The following SGCZ variants were observed in gnomAD, a reference collection of about 807,000 sequenced individuals.
The protein encoded by SGCZ is zeta-sarcoglycan.
Under a neutral mutation model 41.3 loss-of-function variants are expected in SGCZ, and 40 were observed. The ratio of observed to expected loss-of-function variants is 0.97; its 90% CI spans 0.75 to 1.26. The LOEUF (loss-of-function observed/expected upper bound fraction) is 1.26, where lower values mean the gene tolerates loss of function less well. Among genes scored for constraint, SGCZ ranks in the 50% most tolerant of loss-of-function variants. SGCZ has a pLI of 0.00. For synonymous variants in SGCZ, 206 were observed against 137.5 expected (o/e 1.50, Z -3.49); for missense variants, 552 against 369.8 (o/e 1.49, Z -4.04).
At chr8:14,802,714 T>C (rs1250428070) in intron 1 of SGCZ, among the ~76,000 whole-genome samples, 2 of 152,310 alleles carry the variant, frequency 1.3e-5, no homozygotes, top group South Asian at 2.1e-4. Context: ...CTGGTATATA[T>C]TATGGTGTTT....
At chr8:14,184,126 A>C (rs1185070652) in intron 4 of SGCZ, among the ~76,000 whole-genome samples, 2 of 152,186 alleles carry the variant, frequency 1.3e-5, no homozygotes, top group Non-Finnish European at 2.9e-5. Flanking sequence ...CGAGTAACAA[A>C]GAATCTTAAA....
At chr8:14,598,612 C>T (rs936074432) in intron 1 of SGCZ, among the ~76,000 whole-genome samples, 4 of 151,774 alleles carry the variant, frequency 2.6e-5, no homozygotes, top group African/African-American at 9.7e-5. Context: ...ACTGCAGACT[C>T]GACCCCCCCG....
chr8:14,911,447 A>C (rs866692431), intron 1 of SGCZ, among the ~76,000 whole-genome samples: 1 of 152,216 alleles, frequency 6.6e-6, no homozygotes, highest in Non-Finnish European at 1.5e-5. Context: ...TGAAGAAAGT[A>C]TTTGGTAACT....
At chr8:14,441,065 G>T (rs1290222701) in intron 2 of SGCZ, among the ~76,000 whole-genome samples, 3 of 152,094 alleles carry the variant, frequency 2.0e-5, no homozygotes, top group African/African-American at 7.2e-5. Flanking sequence ...GTCACTTCAG[G>T]GGTGCACTGA....
At chr8:15,120,840 T>C (rs1807452575) in intron 1 of SGCZ, among the ~76,000 whole-genome samples, 1 of 152,212 alleles carries the variant, frequency 6.6e-6, no homozygotes, top group African/African-American at 2.4e-5. Flanking sequence ...TGCATATGAA[T>C]ACCTTGTAAC....
At chr8:14,380,129 T>C (rs1329628302) in intron 2 of SGCZ, among the ~76,000 whole-genome samples, 6 of 152,216 alleles carry the variant, frequency 3.9e-5, no homozygotes, top group Non-Finnish European at 1.5e-5. Flanking sequence ...CATATTATTT[T>C]AGTGGGGCAT....
intron 1 of SGCZ, among the ~76,000 whole-genome samples, chr8:14,895,149 C>A (rs149563132): frequency 6.6e-6 from 1 of 152,030 alleles, no homozygotes; most frequent in Non-Finnish European, 1.5e-5. Context: ...TACAATTAAT[C>A]GTTTAGTAAG....
intron 1 of SGCZ, among the ~76,000 whole-genome samples, chr8:14,852,200 T>C (rs6981834): frequency 0.023 from 3,576 of 152,276 alleles, 137 homozygotes; most frequent in African/African-American, 0.082. Context: ...GCAATATTTT[T>C]TCAGTGATAC....
chr8:14,914,430 T>A (rs1799366219), intron 1 of SGCZ, among the ~76,000 whole-genome samples: 1 of 152,136 alleles, frequency 6.6e-6, no homozygotes, highest in Non-Finnish European at 1.5e-5. Context: ...CTGAAAACTC[T>A]TATGCTCTGT....
At chr8:14,260,560 C>G (rs930197105) in intron 3 of SGCZ, among the ~76,000 whole-genome samples, 2 of 148,238 alleles carry the variant, frequency 1.3e-5, no homozygotes. Flanking sequence ...GGATCTAGAA[C>G]TGGAAATACC....
At chr8:14,909,547 T>C (rs1385948939) in intron 1 of SGCZ, among the ~76,000 whole-genome samples, 1 of 152,184 alleles carries the variant, frequency 6.6e-6, no homozygotes, top group Non-Finnish European at 1.5e-5. Context: ...TATTACGTCA[T>C]ACTATTTTTT....
chr8:14,642,899 C>A (rs1807075263), intron 1 of SGCZ, among the ~76,000 whole-genome samples: 1 of 151,434 alleles, frequency 6.6e-6, no homozygotes, highest in African/African-American at 2.4e-5. Context: ...ATATTTAGTA[C>A]AGACGGAAAT....
chr8:14,487,214 T>C (rs1478776917), intron 2 of SGCZ, among the ~76,000 whole-genome samples: 2 of 152,174 alleles, frequency 1.3e-5, no homozygotes, highest in Non-Finnish European at 2.9e-5. Flanking sequence ...TCAGTTATAT[T>C]CCACCTCATC....
chr8:14,795,024 T>C (rs1490398171), intron 1 of SGCZ, among the ~76,000 whole-genome samples: 1 of 152,082 alleles, frequency 6.6e-6, no homozygotes, highest in Non-Finnish European at 1.5e-5. Context: ...TTGATTCAGA[T>C]CAAATGGAGG....
chr8:15,056,342 T>C (rs933588423), intron 1 of SGCZ, among the ~76,000 whole-genome samples: 6 of 152,192 alleles, frequency 3.9e-5, no homozygotes, highest in African/African-American at 1.4e-4. Flanking sequence ...ATTGTGAATG[T>C]TAATTAGAAA....
At chr8:15,180,309 G>T (rs1476370412) in intron 1 of SGCZ, among the ~76,000 whole-genome samples, 1 of 152,062 alleles carries the variant, frequency 6.6e-6, no homozygotes, top group African/African-American at 2.4e-5. Context: ...CTTTTCCACT[G>T]GCTATATAAA....
intron 1 of SGCZ, among the ~76,000 whole-genome samples, chr8:14,973,289 T>A (rs1801358744): frequency 6.6e-6 from 1 of 152,144 alleles, no homozygotes; most frequent in Non-Finnish European, 1.5e-5. Flanking sequence ...AGTCTTTGGC[T>A]GGGTGGGAGC....
intron 2 of SGCZ, among the ~76,000 whole-genome samples, chr8:14,326,350 A>G (rs1802115294): frequency 6.6e-6 from 1 of 152,066 alleles, no homozygotes; most frequent in Admixed American, 6.6e-5. Context: ...AGGTAGAATT[A>G]TATAACATTA....
chr8:14,459,818 C>T (rs955633718), intron 2 of SGCZ, among the ~76,000 whole-genome samples: 22 of 152,072 alleles, frequency 1.4e-4, no homozygotes, highest in Admixed American at 9.8e-4. Context: ...GGAACATAAA[C>T]GCAATATAAT....
Sources: allele counts gnomAD v4.1 joint callset (sites outside exome capture counted in the v4.1 genomes callset), GRCh38; gene constraint gnomAD v4.1.1; transcripts MANE v1.5; gene names NCBI Gene and HGNC (gene_info 2026-07-23, HGNC 2026-07-21).